The following GRIN2D variants were observed in gnomAD, a reference collection of about 807,000 sequenced individuals.
GRIN2D encodes glutamate receptor ionotropic, NMDA 2D.
A neutral mutation model predicts 103.2 loss-of-function variants in GRIN2D; 37 were observed. The ratio of observed to expected loss-of-function variants is 0.36; its 90% confidence interval spans 0.28 to 0.47. The LOEUF (loss-of-function observed/expected upper bound fraction) is 0.47, where lower values mean the gene tolerates loss of function less well. Ranked by LOEUF, GRIN2D falls within the 20% of genes least tolerant of loss-of-function variation. The probability of loss-of-function intolerance (pLI) is 1.00; values close to 1 mark genes in which losing one functional copy is unlikely to be tolerated. For missense variants in GRIN2D, 1,557 were observed against 1,910.6 expected, an observed-to-expected ratio of 0.81 and a Z score of 3.45; for synonymous variants, 845 against 885.6, an observed-to-expected ratio of 0.95 and a Z score of 0.81.
At position 48,430,227 on chromosome 19, in the gene GRIN2D, TCTCA is replaced by T. The variant is rs1329999158; in HGVS notation, c.2252+8285_2252+8288del. ...CTTTCTTTTTTTTCTTGAGACAGGGTCTCACTATGTTGCCCAGGCTGGAGTGCAG... is the reference window on the plus strand; with the variant it reads ...CTTTCTTTTTTTTCTTGAGACAGGGTCTATGTTGCCCAGGCTGGAGTGCAG... On this transcript the variant is annotated intron_variant, in intron 11 of 13. Coordinates refer to ENST00000263269, the MANE Select transcript of GRIN2D (RefSeq NM_000836.4). Among the ~76,000 whole-genome samples the T allele has an allele frequency of 2.0e-5, 3 of 152,298 alleles. No individual in the cohort carries two copies. The East Asian group carries it at 5.8e-4, about 29-fold the overall frequency.
At chr19:48,430,460 A>C (rs1380823680) in intron 11 of GRIN2D, among the ~76,000 whole-genome samples, 4 of 151,440 alleles carry the variant, frequency 2.6e-5, no homozygotes, top group Non-Finnish European at 4.4e-5. Flanking sequence ...CAGCCTCCCA[A>C]AGTGCTACGA....
intron 11 of GRIN2D, among the ~76,000 whole-genome samples, chr19:48,426,695 C>T (rs1275356478): frequency 6.6e-6 from 1 of 151,940 alleles, no homozygotes; most frequent in Non-Finnish European, 1.5e-5. Flanking sequence ...GGCGATTCTC[C>T]TGCCTCAGTC....
chr19:48,405,233 C>T lies in GRIN2D; in HGVS notation c.965C>T (p.Ala322Val), dbSNP rs754080162. 2 of 1,596,538 alleles carry T rather than the reference C, an allele frequency of 1.3e-6. No individual in the cohort carries two copies. The highest frequency in any genetic ancestry group is 1.8e-4 in the Middle Eastern group (1 of 5,574). ...WRDDLARRVA[A>V]GVAVVARGAQ... is the part of the protein sequence containing the mutation. ...GATGACCTGGCTCGGCGAGTGGCAGCTGGCGTGGCCGTAGTGGCCAGAGGT... is the reference window on the plus strand; with the variant it reads ...GATGACCTGGCTCGGCGAGTGGCAGTTGGCGTGGCCGTAGTGGCCAGAGGT... The change falls in exon 4 of 14, where the codon GCT becomes GTT. Residue 322 changes from alanine to valine, a missense_variant. By Grantham distance (64) the Ala-to-Val change is moderately conservative (BLOSUM62 0). Transcript: ENST00000263269. The surrounding 1 kb of genome is among the most constrained non-coding windows in gnomAD (Gnocchi z 5.1).
rs1267753813 is a variant in GRIN2D, at chr19:48,414,749, T to A, written c.1413-115T>A. The A allele has an allele frequency of 3.7e-6, 5 of 1,340,758 alleles. No homozygotes were observed. The highest frequency in any genetic ancestry group is 5.2e-6 in the Non-Finnish European group (5 of 969,334). 83.1% of individuals were successfully genotyped at this position (1,340,758 alleles called of 1,614,324 possible). A position where few individuals can be genotyped will look rare whatever the true frequency, so the allele number is the denominator to read the frequency against. On this transcript the variant is annotated intron_variant, in intron 6 of 13. Coordinates refer to ENST00000263269, the MANE Select transcript of GRIN2D (RefSeq NM_000836.4). The surrounding 1 kb of genome is among the most constrained non-coding windows in gnomAD (Gnocchi z 4.6). ...GAATTCTTTGAGCCTGAGTTTCCCC[T>A]GAAAGCGCTAACCATAGTTTTAGCT... is the stretch of plus-strand genomic sequence containing the variant.
intron 11 of GRIN2D, among the ~76,000 whole-genome samples, chr19:48,426,227 T>TCTTTC (rs1489226034): frequency 6.9e-6 from 1 of 145,090 alleles, no homozygotes; most frequent in African/African-American, 2.7e-5. Context: ...TTTCTTTCTT[T>TCTTTC]TTTTTTTTTT....
intron 11 of GRIN2D, among the ~76,000 whole-genome samples, chr19:48,424,088 G>C (rs1381644629): frequency 1.3e-5 from 2 of 151,562 alleles, no homozygotes; most frequent in East Asian, 3.9e-4. Context: ...CAAAGTGCTG[G>C]GATTAGAGGC....
chr19:48,395,260 A>T (rs988041169), intron 2 of GRIN2D, among the ~76,000 whole-genome samples: 1 of 134,236 alleles, frequency 7.4e-6, no homozygotes, highest in South Asian at 2.5e-4. Flanking sequence ...TTCTCCCTGT[A>T]CCCCCCTCCC....
intron 11 of GRIN2D, among the ~76,000 whole-genome samples, chr19:48,432,045 T>TG (rs34097605): frequency 1 from 151,913 of 151,916 alleles, 75,955 homozygotes; most frequent in Middle Eastern, 1. Context: ...ACCGAGTAGC[T>TG]GGACTACAGG....
At chr19:48,432,584 T>C (rs1398314517) in intron 11 of GRIN2D, among the ~76,000 whole-genome samples, 1 of 151,858 alleles carries the variant, frequency 6.6e-6, no homozygotes, top group Non-Finnish European at 1.5e-5. Context: ...GCTCAAGCAA[T>C]CCTCTCGCCT....
intron 8 of GRIN2D, 150 bp from the exon 9 acceptor site, chr19:48,419,084 G>T: frequency 1.9e-6 from 1 of 519,338 alleles, no homozygotes; most frequent in Non-Finnish European, 3.3e-6. Context: ...GGGAGTTCAA[G>T]GCCAGTCTGG....
chr19:48,441,493 G>T (rs117364706), intron 11 of GRIN2D, among the ~76,000 whole-genome samples: 3,163 of 152,208 alleles, frequency 0.021, 62 homozygotes, highest in East Asian at 0.09. Context: ...TAGGAGGATC[G>T]CTTGAGCCCA....
intron 2 of GRIN2D, among the ~76,000 whole-genome samples, chr19:48,396,345 G>C (rs769993839): frequency 1.3e-5 from 2 of 151,850 alleles, no homozygotes; most frequent in Non-Finnish European, 2.9e-5. Flanking sequence ...TGAGCATGCA[G>C]CCCCCGTGAG....
intron 7 of GRIN2D, among the ~76,000 whole-genome samples, 199 bp downstream of exon 7, chr19:48,415,231 C>G (rs1970930295): frequency 6.6e-6 from 1 of 151,972 alleles, no homozygotes; most frequent in South Asian, 2.1e-4. Context: ...ATTAGCCGTG[C>G]GTGGTGGCGG....
intron 4 of GRIN2D, among the ~76,000 whole-genome samples, chr19:48,413,297 T>C (rs1372660415): frequency 7.0e-6 from 1 of 142,260 alleles, no homozygotes; most frequent in African/African-American, 2.6e-5. Context: ...CTGGCCAACA[T>C]GGTGAAACCC....
chr19:48,436,762 C>T (rs1273315938), intron 11 of GRIN2D, among the ~76,000 whole-genome samples: 1 of 152,180 alleles, frequency 6.6e-6, no homozygotes, highest in Non-Finnish European at 1.5e-5. Context: ...AAGAATGTTC[C>T]AGCAGGCAGA....
In GRIN2D at chr19:48,415,993, C is replaced by T. The variant is rs1405952040; in HGVS notation, c.1582-9C>T. ...TTCCCCCGCCCACTCCTCATCGCCCCCACCCCAGGTGTTCTACCAGCGCGC... is the reference window on the plus strand; with the variant it reads ...TTCCCCCGCCCACTCCTCATCGCCCTCACCCCAGGTGTTCTACCAGCGCGC... On this transcript the variant is annotated splice_polypyrimidine_tract_variant and intron_variant, in intron 7 of 13. Coordinates refer to ENST00000263269, the MANE Select transcript of GRIN2D (RefSeq NM_000836.4). 1 of 1,612,096 alleles carries T rather than the reference C, an allele frequency of 6.2e-7. No homozygotes were observed. The highest frequency in any genetic ancestry group is 8.5e-7 in the Non-Finnish European group (1 of 1,179,170).
chr19:48,418,364 TGA>T (rs994365940), intron 8 of GRIN2D, among the ~76,000 whole-genome samples: 11 of 151,696 alleles, frequency 7.3e-5, no homozygotes, highest in African/African-American at 2.7e-4. Context: ...CATGGGTGCT[TGA>T]GAGAGTGATC....
At position 48,394,792 on chromosome 19, in the gene GRIN2D, TGCC is replaced by T; in HGVS notation, c.-167_-165del. On this transcript the variant is annotated 5_prime_UTR_variant, in exon 2 of 14. Coordinates refer to ENST00000263269, the MANE Select transcript of GRIN2D (RefSeq NM_000836.4). The surrounding 1 kb of genome is among the most constrained non-coding windows in gnomAD (Gnocchi z 5.1). ...GACAGGAGGTCCGGGCTGCCGCTGC[TGCC>T]GCCACCACCACTGCCGCCGCCCCGG... 6.4e-6 allele frequency: 1 copy of T among 155,772 alleles called. No homozygotes were observed. Among genetic ancestry groups the T allele is most frequent in the Middle Eastern group, 2.9e-3 (1 of 342 alleles). 9.6% of individuals were successfully genotyped at this position (155,772 alleles called of 1,614,324 possible).
Position 48,429,025 on chromosome 19 carries a change from C to G in GRIN2D, c.2252+7080C>G, listed in dbSNP as rs191739314. On this transcript the variant is annotated intron_variant, in intron 11 of 13. Coordinates refer to ENST00000263269, the MANE Select transcript of GRIN2D (RefSeq NM_000836.4). ...TAACCCAGAATCACTCCTTTTGTCC[C>G]CCTCCCTAGAAGCTTCATGATTCAC... Among the ~76,000 whole-genome samples, 64 of 152,264 alleles carry G rather than the reference C, an allele frequency of 4.2e-4. No individual in the cohort carries two copies. In the South Asian group the frequency reaches 5.2e-3, roughly 12 times the overall value.
Sources: allele counts gnomAD v4.1 joint callset (sites outside exome capture counted in the v4.1 genomes callset), GRCh38; gene constraint gnomAD v4.1.1; non-coding constraint Gnocchi (gnomAD v3.1); transcripts MANE v1.5; gene names NCBI Gene and HGNC (gene_info 2026-07-23, HGNC 2026-07-21).